CCDC178: variants seen among roughly 807,000 people sequenced by gnomAD.
The protein encoded by CCDC178 is coiled-coil domain containing 178.
A neutral mutation model predicts 117.4 loss-of-function variants in CCDC178; 126 were observed. The ratio of observed to expected loss-of-function variants is 1.07; its 90% CI spans 0.93 to 1.24. The LOEUF is 1.24. Among genes scored for constraint, CCDC178 ranks in the 50% most tolerant of loss-of-function variants. CCDC178 has a pLI of 0.00. For synonymous variants in CCDC178, 283 were observed against 313.4 expected, an observed-to-expected ratio of 0.90 and a Z score of 1.02; for missense variants, 1,030 against 986.9, an observed-to-expected ratio of 1.04 and a Z score of -0.59.
chr18:33,224,157 G>A (rs1048805605), intron 17 of CCDC178, among the ~76,000 whole-genome samples: 19 of 152,070 alleles, frequency 1.2e-4, no homozygotes, highest in African/African-American at 2.2e-4. Flanking sequence ...TTCTGGTGCC[G>A]AAATGTCTCA....
intron 20 of CCDC178, among the ~76,000 whole-genome samples, chr18:33,126,997 A>T (rs142361147): frequency 0.089 from 12,516 of 140,984 alleles, 584 homozygotes; most frequent in African/African-American, 0.12. Context: ...AAAAAAAAAA[A>T]ATATATATAT....
intron 20 of CCDC178, among the ~76,000 whole-genome samples, chr18:33,137,018 ATAAT>A (rs1472565270): frequency 6.6e-6 from 1 of 152,232 alleles, no homozygotes; most frequent in African/African-American, 2.4e-5. Context: ...TTTAAGAGGC[ATAAT>A]TAAAGTAACA....
intron 21 of CCDC178, among the ~76,000 whole-genome samples, chr18:32,976,224 A>T (rs2144699604): frequency 6.6e-6 from 1 of 152,262 alleles, no homozygotes; most frequent in South Asian, 2.1e-4. Context: ...AACTTAAAAA[A>T]AATTGTGTTT....
At position 33,091,382 on chromosome 18, in the gene CCDC178, G is replaced by A. The variant is rs1254153667; in HGVS notation, c.2388+1379C>T. Among the ~76,000 whole-genome samples, 4 of 107,218 alleles carry A rather than the reference G, an allele frequency of 3.7e-5. No homozygotes were observed. The Admixed American group carries it at 6.0e-4, about 16-fold the overall frequency. The allele number at this position is 107,218 out of a possible 152,430, so 70.3% of individuals were successfully genotyped here. On this transcript the variant is annotated intron_variant, in intron 21 of 22. Coordinates refer to ENST00000383096, the MANE Select transcript of CCDC178 (RefSeq NM_001105528.4). ...GACGGAGTCTCACTCTGTTGCCCAT[G>A]CTGGAGTGCAGTGGTGCATTCTTGG...
chr18:33,327,766 C>T (rs2062604888), intron 10 of CCDC178, among the ~76,000 whole-genome samples: 1 of 151,996 alleles, frequency 6.6e-6, no homozygotes, highest in Non-Finnish European at 1.5e-5. Context: ...ATATGTCTAT[C>T]TGTTCATTAC....
chr18:32,970,246 A>C (rs903146619), intron 22 of CCDC178, among the ~76,000 whole-genome samples: 1 of 151,958 alleles, frequency 6.6e-6, no homozygotes, highest in African/African-American at 2.4e-5. Context: ...GTTTTCTGCC[A>C]ACTGTAGATC....
chr18:33,424,995 C>T (rs375588874), intron 2 of CCDC178, among the ~76,000 whole-genome samples: 39 of 152,228 alleles, frequency 2.6e-4, no homozygotes, highest in African/African-American at 6.0e-4. Flanking sequence ...ATTGTGTCAA[C>T]GGGGCTTAAA....
chr18:33,382,171 CA>C (rs890196570), intron 5 of CCDC178, among the ~76,000 whole-genome samples: 50 of 152,150 alleles, frequency 3.3e-4, no homozygotes, highest in African/African-American at 1.1e-3. Context: ...AGTAATTTCT[CA>C]AAATCAAGAT....
intron 20 of CCDC178, among the ~76,000 whole-genome samples, chr18:33,207,506 G>T (rs2059058043): frequency 6.7e-6 from 1 of 149,990 alleles, no homozygotes; most frequent in Admixed American, 6.6e-5. Flanking sequence ...TTTTCTCAGG[G>T]AACATTCATT....
chr18:32,939,511 A>C (rs890890547), intron 22 of CCDC178, among the ~76,000 whole-genome samples: 1 of 152,172 alleles, frequency 6.6e-6, no homozygotes, highest in African/African-American at 2.4e-5. Context: ...TATCATAGAT[A>C]TACAGAATAC....
intron 16 of CCDC178, among the ~76,000 whole-genome samples, chr18:33,226,466 A>G (rs902291319): frequency 6.6e-6 from 1 of 152,238 alleles, no homozygotes; most frequent in Non-Finnish European, 1.5e-5. Context: ...CAAGTGAAAG[A>G]CACTAACAGT....
At chr18:33,132,918 A>G (rs1327242078) in intron 20 of CCDC178, among the ~76,000 whole-genome samples, 1 of 151,772 alleles carries the variant, frequency 6.6e-6, no homozygotes, top group Non-Finnish European at 1.5e-5. Context: ...CGATTCCCTA[A>G]CCCTAAAAGT....
At chr18:32,952,500 C>T (rs2054508007) in intron 22 of CCDC178, among the ~76,000 whole-genome samples, 2 of 152,176 alleles carry the variant, frequency 1.3e-5, no homozygotes, top group African/African-American at 4.8e-5. Flanking sequence ...AGGTGGGCAA[C>T]AGGACACCAT....
At chr18:33,121,807 C>T (rs1240792524) in intron 20 of CCDC178, among the ~76,000 whole-genome samples, 1 of 152,058 alleles carries the variant, frequency 6.6e-6, no homozygotes, top group Non-Finnish European at 1.5e-5. Context: ...CAGTCACATG[C>T]CATGTAATGA....
chr18:33,140,848 G>T (rs2058195117), intron 20 of CCDC178, among the ~76,000 whole-genome samples: 1 of 152,192 alleles, frequency 6.6e-6, no homozygotes, highest in Non-Finnish European at 1.5e-5. Context: ...GTTTTGCTGT[G>T]TCCCATCCAA....
chr18:33,365,993 T>C (rs2063200240), intron 6 of CCDC178, among the ~76,000 whole-genome samples: 1 of 152,052 alleles, frequency 6.6e-6, no homozygotes, highest in Admixed American at 6.6e-5. Flanking sequence ...AAATTGCACT[T>C]AAACTGGAGT....
At chr18:33,197,104 T>G (rs752175068) in intron 20 of CCDC178, among the ~76,000 whole-genome samples, 1 of 152,182 alleles carries the variant, frequency 6.6e-6, no homozygotes, top group Non-Finnish European at 1.5e-5. Context: ...CATAGCTGTC[T>G]GCAGTGTTGA....
intron 22 of CCDC178, among the ~76,000 whole-genome samples, chr18:32,961,802 C>A (rs1243152001): frequency 5.9e-5 from 9 of 152,026 alleles, no homozygotes; most frequent in Non-Finnish European, 1.2e-4. Flanking sequence ...ACTGTGCAGC[C>A]CAGTTCCTAA....
intron 5 of CCDC178, among the ~76,000 whole-genome samples, chr18:33,373,676 T>C (rs2063330087): frequency 6.6e-6 from 1 of 152,200 alleles, no homozygotes; most frequent in Admixed American, 6.5e-5. Flanking sequence ...TCTGCTGTTA[T>C]CACATTTATG....
Sources: gnomAD v4.1 joint callset for allele counts (sites outside exome capture counted in the v4.1 genomes callset) on GRCh38, gnomAD v4.1.1 for gene constraint, MANE v1.5 for transcripts, NCBI Gene and HGNC (gene_info 2026-07-23, HGNC 2026-07-21) for gene names.